PRR16: variants seen among roughly 807,000 people sequenced by gnomAD.
PRR16 encodes protein Largen.
PRR16 carries 6 observed loss-of-function variants against 18.2 expected under a neutral mutation model. The observed-to-expected ratio is 0.33, with a 90% CI of 0.18 to 0.65. The LOEUF (loss-of-function observed/expected upper bound fraction) is 0.65. Ranked by LOEUF, PRR16 falls within the 30% of genes least tolerant of loss-of-function variation. The pLI is 0.74. For synonymous variants in PRR16, 151 were observed against 147.8 expected (o/e 1.02, Z -0.16); for missense variants, 412 against 376.6 (o/e 1.09, Z -0.78).
rs1420757315 is a variant in PRR16, at chr5:120,510,617, A to G, written c.159+45972A>G. ...CTATCGGTAGCAGCCTACATATAGCAAATGAAGGAAATAGAATGCACTGGG... is the reference window on the plus strand; with the variant it reads ...CTATCGGTAGCAGCCTACATATAGCGAATGAAGGAAATAGAATGCACTGGG... On this transcript the variant is annotated intron_variant, in intron 1 of 1. Coordinates refer to ENST00000407149, the MANE Select transcript of PRR16 (RefSeq NM_001300783.2). Among the ~76,000 whole-genome samples, 5 of 152,310 alleles carry G rather than the reference A, an allele frequency of 3.3e-5. 1 individual carries two copies. Among genetic ancestry groups the G allele is most frequent in the South Asian group, 4.1e-4 (2 of 4,820 alleles).
chr5:120,757,644 T>G, the PRR16 span, among the ~76,000 whole-genome samples: 1 of 152,108 alleles, frequency 6.6e-6, no homozygotes, highest in Non-Finnish European at 1.5e-5. Context: ...ACACAAATAT[T>G]TCTAAACACA....
chr5:120,780,910 C>T, the PRR16 span, among the ~76,000 whole-genome samples: 2 of 152,102 alleles, frequency 1.3e-5, no homozygotes, highest in African/African-American at 2.4e-5. Flanking sequence ...ATTAGTTGGG[C>T]GTGGTGGCAG....
intron 1 of PRR16, among the ~76,000 whole-genome samples, chr5:120,657,342 G>A (rs189072566): frequency 1.3e-5 from 2 of 152,062 alleles, no homozygotes; most frequent in East Asian, 3.9e-4. Context: ...CTCTTGTGCA[G>A]TGGTGTGCTT....
chr5:120,592,138 A>G (rs914847461), intron 1 of PRR16, among the ~76,000 whole-genome samples: 1 of 152,218 alleles, frequency 6.6e-6, no homozygotes, highest in Non-Finnish European at 1.5e-5. Context: ...GTTTTGCCAT[A>G]CATAATGATA....
rs143275349 is a variant in PRR16, at chr5:120,610,973, A to T, written c.160-74981A>T. Among the ~76,000 whole-genome samples the T allele has an allele frequency of 3.7e-3, 561 of 152,330 alleles. 2 individuals carry two copies. The highest frequency in any genetic ancestry group is 0.013 in the African/African-American group (526 of 41,574). ...TTGAATGACTTTGCCCAAAATGCTG[A>T]TAGCGATATGGACAACAAAATTCAG... is the stretch of plus-strand genomic sequence containing the variant. On this transcript the variant is annotated intron_variant, in intron 1 of 1. Transcript: ENST00000407149.
chr5:120,787,839 C>T, the PRR16 span, among the ~76,000 whole-genome samples: 1 of 152,046 alleles, frequency 6.6e-6, no homozygotes, highest in Non-Finnish European at 1.5e-5. Flanking sequence ...TCAACATTTT[C>T]CAGTACCATT....
At chr5:120,607,468 C>G (rs1037246768) in intron 1 of PRR16, among the ~76,000 whole-genome samples, 4 of 152,086 alleles carry the variant, frequency 2.6e-5, no homozygotes, top group African/African-American at 9.7e-5. Flanking sequence ...AAGAAGATTT[C>G]ATTTGAGAAT....
chr5:120,626,477 C>T (rs1054200991), intron 1 of PRR16, among the ~76,000 whole-genome samples: 5 of 152,098 alleles, frequency 3.3e-5, no homozygotes, highest in African/African-American at 1.2e-4. Context: ...TGCAAATGAG[C>T]ATGAGGGATC....
intron 1 of PRR16, among the ~76,000 whole-genome samples, chr5:120,627,363 T>C (rs1055336292): frequency 6.6e-6 from 1 of 152,134 alleles, no homozygotes; most frequent in African/African-American, 2.4e-5. Context: ...CCATAGTAGA[T>C]ATCATAGCTG....
At chr5:120,676,545 T>TGC (rs1756806396) in intron 1 of PRR16, among the ~76,000 whole-genome samples, 3 of 150,508 alleles carry the variant, frequency 2.0e-5, no homozygotes, top group Non-Finnish European at 3.0e-5. Context: ...TGTGTGTGTG[T>TGC]GTGCGTGTGT....
At chr5:120,757,406 C>G in the PRR16 span, among the ~76,000 whole-genome samples, 2 of 151,814 alleles carry the variant, frequency 1.3e-5, no homozygotes, top group Admixed American at 6.6e-5. Context: ...TTGCTTTGGG[C>G]ATTATGGCCA....
At chr5:120,574,400 T>A (rs545933364) in intron 1 of PRR16, among the ~76,000 whole-genome samples, 2 of 152,198 alleles carry the variant, frequency 1.3e-5, no homozygotes, top group African/African-American at 4.8e-5. Context: ...GACCAGGAGT[T>A]CGAGACCAGC....
chr5:120,699,945 C>G, the PRR16 span, among the ~76,000 whole-genome samples: 2 of 152,170 alleles, frequency 1.3e-5, no homozygotes, highest in African/African-American at 4.8e-5. Context: ...TGGGGGCTGT[C>G]TGTGAAGCTT....
At chr5:120,685,003 T>C (rs1757077460) in intron 1 of PRR16, among the ~76,000 whole-genome samples, 1 of 152,124 alleles carries the variant, frequency 6.6e-6, no homozygotes, top group African/African-American at 2.4e-5. Context: ...AACATCTGCT[T>C]TGTATTAGTT....
intron 1 of PRR16, among the ~76,000 whole-genome samples, chr5:120,621,887 C>A (rs1524560): frequency 6.6e-6 from 1 of 151,946 alleles, no homozygotes; most frequent in Non-Finnish European, 1.5e-5. Flanking sequence ...TTTAGAGCAA[C>A]AGGAAAACAG....
chr5:120,717,677 G>T, the PRR16 span, among the ~76,000 whole-genome samples: 1 of 152,076 alleles, frequency 6.6e-6, no homozygotes, highest in African/African-American at 2.4e-5. Context: ...TGAGCATTGT[G>T]CTATATTTTC....
chr5:120,789,866 C>T, the PRR16 span: 4 of 151,976 alleles, frequency 2.6e-5, no homozygotes, highest in South Asian at 4.2e-4. Context: ...ATGATTGCTT[C>T]ATTTTTAATA....
chr5:120,736,930 A>T, the PRR16 span, among the ~76,000 whole-genome samples: 1 of 149,286 alleles, frequency 6.7e-6, no homozygotes, highest in Non-Finnish European at 1.5e-5. Context: ...TTGTGTATTG[A>T]ATTTGTATAC....
At chr5:120,700,749 C>T in the PRR16 span, among the ~76,000 whole-genome samples, 7 of 152,156 alleles carry the variant, frequency 4.6e-5, no homozygotes, top group East Asian at 7.8e-4. Context: ...AGCCTCCGTG[C>T]TGATTAAGAA....
Sources: gnomAD v4.1 joint callset for allele counts (sites outside exome capture counted in the v4.1 genomes callset) on GRCh38, gnomAD v4.1.1 for gene constraint, MANE v1.5 for transcripts, NCBI Gene and HGNC (gene_info 2026-07-23, HGNC 2026-07-21) for gene names.